Variants in RAB10 observed in about 807,000 individuals in gnomAD.
RAB10 encodes ras-related protein Rab-10.
RAB10 carries 5 observed loss-of-function variants against 25.7 expected under a neutral mutation model. That is an observed-to-expected ratio of 0.19 (90% CI 0.10 to 0.41). The LOEUF (loss-of-function observed/expected upper bound fraction) is 0.41. Ranked by LOEUF, RAB10 falls within the 10% of genes least tolerant of loss-of-function variation. The pLI, the probability that RAB10 is intolerant of heterozygous loss-of-function variation, is 1.00. For synonymous variants in RAB10, 89 were observed against 86.4 expected (o/e 1.03, Z -0.16); for missense variants, 103 against 245.8 (o/e 0.42, Z 3.89).
rs560246726 is a variant in RAB10 at position 26,034,329 on chromosome 2, G to A, written c.-280G>A. ...GAGCGTCCCGGCCGAGAAGCCCTGA[G>A]GGGGGAGGGGAGGCCATTTTGTCCC... On this transcript the variant is annotated 5_prime_UTR_variant, in exon 1 of 6. Coordinates refer to ENST00000264710, the MANE Select transcript of RAB10 (RefSeq NM_016131.5). 6.4e-5 allele frequency: 36 copies of A among 565,544 alleles called. 1 individual carries two copies. In the Admixed American group the frequency reaches 7.9e-4, roughly 12 times the overall value. The allele number at this position is 565,544 out of a possible 1,614,324, so 35.0% of individuals were successfully genotyped here.
chr2:26,048,641 C>T (rs1218788455), intron 1 of RAB10, among the ~76,000 whole-genome samples: 1 of 152,114 alleles, frequency 6.6e-6, no homozygotes, highest in Non-Finnish European at 1.5e-5. Flanking sequence ...GTAATCCCAG[C>T]ACTTTGGGAG....
intron 1 of RAB10, among the ~76,000 whole-genome samples, chr2:26,091,361 AAG>A (rs1380438264): frequency 6.6e-6 from 1 of 152,168 alleles, no homozygotes; most frequent in Admixed American, 6.5e-5. Flanking sequence ...AGCTAGGGGA[AAG>A]AGCCATGATG....
intron 1 of RAB10, among the ~76,000 whole-genome samples, chr2:26,092,262 TGTGTGTGTGTGTGTGTGTGTG>T (rs1254327915): frequency 0.18 from 33 of 188 alleles, no homozygotes; most frequent in Admixed American, 0.41. Flanking sequence ...TAGTGAGAGC[TGTGTGTGTGTGTGTGTGTGTG>T]TGTGTGTGTG....
intron 1 of RAB10, among the ~76,000 whole-genome samples, chr2:26,078,413 G>A (rs6729080): frequency 0.77 from 117,223 of 152,126 alleles, 45,204 homozygotes; most frequent in East Asian, 0.87. Flanking sequence ...TGATTTCAGT[G>A]CTTAAAAGAA....
intron 1 of RAB10, among the ~76,000 whole-genome samples, chr2:26,094,526 A>G (rs1667171105): frequency 2.0e-5 from 3 of 152,078 alleles, no homozygotes; most frequent in Admixed American, 2.0e-4. Flanking sequence ...TGCTGGGATT[A>G]CAGGCGTGAG....
chr2:26,111,463 G>A (rs939794928), intron 3 of RAB10, among the ~76,000 whole-genome samples: 35 of 152,168 alleles, frequency 2.3e-4, no homozygotes, highest in African/African-American at 7.9e-4. Flanking sequence ...ACTTAGCTGG[G>A]TGGGGTGGCA....
chr2:26,079,510 A>G (rs994082198), intron 1 of RAB10, among the ~76,000 whole-genome samples: 2 of 152,206 alleles, frequency 1.3e-5, no homozygotes, highest in African/African-American at 2.4e-5. Context: ...CTCATGGTTC[A>G]ATATAGATAC....
intron 1 of RAB10, among the ~76,000 whole-genome samples, chr2:26,055,233 C>T (rs1391731375): frequency 6.6e-6 from 1 of 152,144 alleles, no homozygotes; most frequent in Admixed American, 6.5e-5. Flanking sequence ...CAACTACTTT[C>T]TTATCATCTG....
At chr2:26,079,921 A>G (rs1179630432) in intron 1 of RAB10, among the ~76,000 whole-genome samples, 1 of 152,128 alleles carries the variant, frequency 6.6e-6, no homozygotes, top group African/African-American at 2.4e-5. Flanking sequence ...CAGCCTCCCA[A>G]AGTGCTGGGA....
chr2:26,045,702 T>C (rs538774974), intron 1 of RAB10, among the ~76,000 whole-genome samples: 3 of 152,242 alleles, frequency 2.0e-5, no homozygotes, highest in African/African-American at 7.2e-5. Flanking sequence ...AACTGTTTAT[T>C]GAGATGGTTA....
In RAB10 at chr2:26,035,767, G is replaced by T. The variant is rs538051690; in HGVS notation, c.127+1032G>T. ...TATTGAGAGGCTTTTAAAAAGCAACGGCAGTCGTCTTTGAACTCTGGGAAT... is the reference window on the plus strand; with the variant it reads ...TATTGAGAGGCTTTTAAAAAGCAACTGCAGTCGTCTTTGAACTCTGGGAAT... On this transcript the variant is annotated intron_variant, in intron 1 of 5. Coordinates refer to ENST00000264710, the MANE Select transcript of RAB10 (RefSeq NM_016131.5). 4.3e-4 allele frequency among the ~76,000 whole-genome samples: 65 copies of T among 152,242 alleles called. 2 individuals are homozygous for T. In the South Asian group the frequency reaches 0.013, roughly 30 times the overall value.
intron 1 of RAB10, among the ~76,000 whole-genome samples, chr2:26,081,186 C>G (rs1002673626): frequency 3.9e-5 from 6 of 152,154 alleles, no homozygotes; most frequent in Non-Finnish European, 7.3e-5. Flanking sequence ...ATTGTGAGGC[C>G]TCCCCAGCCA....
chr2:26,128,012 A>G (rs1023457982), intron 5 of RAB10, 61 bp downstream of exon 5: 36 of 1,356,088 alleles, frequency 2.7e-5, no homozygotes, highest in Middle Eastern at 3.6e-4. Flanking sequence ...TATTTTGTCT[A>G]TTCTGAAGTA....
chr2:26,053,829 C>A (rs1271601471), intron 1 of RAB10, among the ~76,000 whole-genome samples: 1 of 151,950 alleles, frequency 6.6e-6, no homozygotes, highest in Non-Finnish European at 1.5e-5. Context: ...AAGCGATTCT[C>A]CTGCCTCAGC....
At chr2:26,049,552 G>C (rs1349573067) in intron 1 of RAB10, among the ~76,000 whole-genome samples, 3 of 151,892 alleles carry the variant, frequency 2.0e-5, no homozygotes, top group South Asian at 4.2e-4. Context: ...GGGATTACAG[G>C]CACGCACCAC....
At chr2:26,099,674 G>A (rs1309002008) in intron 2 of RAB10, among the ~76,000 whole-genome samples, 1 of 151,112 alleles carries the variant, frequency 6.6e-6, no homozygotes, top group South Asian at 2.1e-4. Flanking sequence ...CCAAGTAGCT[G>A]GGACTATAGG....
intron 1 of RAB10, among the ~76,000 whole-genome samples, chr2:26,042,123 T>C (rs1175545059): frequency 1.3e-5 from 2 of 152,178 alleles, no homozygotes; most frequent in Admixed American, 1.3e-4. Context: ...CTGGATGTGC[T>C]ACCTTTTGGT....
chr2:26,098,443 A>G, intron 1 of RAB10: 1 of 474,646 alleles, frequency 2.1e-6, no homozygotes, highest in Non-Finnish European at 3.7e-6. Context: ...CCAGCCCAAA[A>G]CTTGGTCTTT....
intron 3 of RAB10, among the ~76,000 whole-genome samples, chr2:26,119,621 A>C (rs143466835): frequency 6.6e-6 from 1 of 152,034 alleles, no homozygotes; most frequent in Non-Finnish European, 1.5e-5. Context: ...TCCTGAGCTC[A>C]AGCTATCCTC....
Sources: gnomAD v4.1 joint callset for allele counts (sites outside exome capture counted in the v4.1 genomes callset) on GRCh38, gnomAD v4.1.1 for gene constraint, MANE v1.5 for transcripts, NCBI Gene and HGNC (gene_info 2026-07-23, HGNC 2026-07-21) for gene names.